Variants in RTN3 observed in about 807,000 individuals in gnomAD.
The protein encoded by RTN3 is reticulon 3.
A neutral mutation model predicts 77.8 loss-of-function variants in RTN3; 49 were observed. That is an observed-to-expected ratio of 0.63 (90% CI 0.50 to 0.80). The LOEUF is 0.80. Ranked by LOEUF, RTN3 falls within the 30% of genes least tolerant of loss-of-function variation. The pLI is 0.00. For synonymous variants in RTN3, 464 were observed against 446.9 expected, an observed-to-expected ratio of 1.04 and a Z score of -0.48; for missense variants, 1,236 against 1,211.9, an observed-to-expected ratio of 1.02 and a Z score of -0.29.
rs373844043 is a variant in RTN3, at chr11:63,758,181, G to A, written c.3079G>A (p.Ala1027Thr). Residue 1027 changes from alanine (A) to threonine (T), a missense_variant, in exon 9 of 9, where the codon GCC becomes ACC. Ala to Thr is a moderately conservative substitution (Grantham distance 58). This residue lies in a region of RTN3 where 141 missense variants were observed against 154.9 expected (regional missense o/e 0.91). Transcript: ENST00000377819. The stretch of plus-strand genomic sequence containing the variant: ...GATCCAAGCAAAACTCCCTGGAATC[G>A]CCAAAAAAAAGGCAGAATAAGTACA... The part of the protein sequence containing the change: ...EKIQAKLPGI[A>T]KKKAE 2.9e-5 allele frequency: 46 copies of A among 1,606,620 alleles called. No homozygotes were observed. The highest frequency in any genetic ancestry group is 3.7e-5 in the Non-Finnish European group (44 of 1,177,620).
chr11:63,752,790 C>A, intron 5 of RTN3, 145 bp downstream of exon 5: 1 of 888,550 alleles, frequency 1.1e-6, no homozygotes, highest in South Asian at 1.6e-5. Flanking sequence ...ATAGGTGTCA[C>A]TAGAGAAAGG....
At chr11:63,684,473 G>A (rs1014083489) in intron 1 of RTN3, among the ~76,000 whole-genome samples, 3 of 151,776 alleles carry the variant, frequency 2.0e-5, no homozygotes, top group Admixed American at 1.3e-4. Context: ...TTATATCTTT[G>A]GTAGAGATGG....
chr11:63,693,790 T>G (rs1359262169), intron 1 of RTN3, among the ~76,000 whole-genome samples: 1 of 152,146 alleles, frequency 6.6e-6, no homozygotes, highest in Non-Finnish European at 1.5e-5. Flanking sequence ...GAAAAACATC[T>G]TTTCATAACC....
chr11:63,717,375 C>CTTTTTT (rs1187530525), intron 2 of RTN3, among the ~76,000 whole-genome samples: 7 of 75,162 alleles, frequency 9.3e-5, no homozygotes, highest in Non-Finnish European at 1.3e-4. Flanking sequence ...TTAACTCTGT[C>CTTTTTT]TTTTTTTTTT....
intron 1 of RTN3, among the ~76,000 whole-genome samples, chr11:63,684,410 A>T (rs1941257605): frequency 1.3e-5 from 2 of 151,252 alleles, no homozygotes; most frequent in South Asian, 4.2e-4. Context: ...GCCTCCCAAA[A>T]TGCTGGGAAT....
chr11:63,719,164 A>G lies in RTN3; in HGVS notation c.662A>G (p.Glu221Gly). 1 of 1,614,196 alleles carries G rather than the reference A, an allele frequency of 6.2e-7. No individual in the cohort carries two copies. ...CCACCTACTGAGTACTCTAAGGTAG[A>G]AGGCATTTATACATATTCTTTGTCT... ...QKPPTEYSKV[E>G]GIYTYSLSPS... The change falls in exon 3 of 9, where the codon GAA (glutamate) becomes GGA (glycine). Residue 221 changes from glutamate to glycine, a missense_variant. Physicochemically the swap from Glu to Gly is moderately conservative, Grantham distance 98. Coordinates refer to ENST00000377819, the MANE Select transcript of RTN3 (RefSeq NM_001265589.2).
At chr11:63,724,623 C>T (rs1302288208) in intron 3 of RTN3, among the ~76,000 whole-genome samples, 1 of 150,900 alleles carries the variant, frequency 6.6e-6, no homozygotes, top group Non-Finnish European at 1.5e-5. Context: ...TCCCAAGTAG[C>T]TGGGATTACA....
At chr11:63,717,494 T>A (rs1321282609) in intron 2 of RTN3, among the ~76,000 whole-genome samples, 2 of 150,082 alleles carry the variant, frequency 1.3e-5, no homozygotes, top group Non-Finnish European at 3.0e-5. Flanking sequence ...TTCAAAGGAT[T>A]CTCCTGCCTC....
chr11:63,752,200 T>C (rs2014143079), intron 4 of RTN3, among the ~76,000 whole-genome samples: 1 of 151,876 alleles, frequency 6.6e-6, no homozygotes, highest in Non-Finnish European at 1.5e-5. Flanking sequence ...CTTGTTTTTA[T>C]GTGTTCTGGG....
At chr11:63,690,288 T>C (rs1213204673) in intron 1 of RTN3, among the ~76,000 whole-genome samples, 1 of 152,198 alleles carries the variant, frequency 6.6e-6, no homozygotes, top group Non-Finnish European at 1.5e-5. Flanking sequence ...ATTTTACGTA[T>C]GAGATAGAAG....
intron 3 of RTN3, among the ~76,000 whole-genome samples, chr11:63,745,630 A>G (rs939202251): frequency 6.6e-6 from 1 of 152,162 alleles, no homozygotes; most frequent in African/African-American, 2.4e-5. Flanking sequence ...CCAGACCATA[A>G]TTCCACCATT....
chr11:63,682,991 T>A (rs879521563), intron 1 of RTN3, among the ~76,000 whole-genome samples: 2 of 152,138 alleles, frequency 1.3e-5, no homozygotes, highest in Non-Finnish European at 2.9e-5. Context: ...AGGATTTTGA[T>A]CATTTTTTTT....
At chr11:63,699,644 A>G (rs890920471) in intron 1 of RTN3, among the ~76,000 whole-genome samples, 4 of 152,212 alleles carry the variant, frequency 2.6e-5, no homozygotes, top group African/African-American at 7.2e-5. Flanking sequence ...ATTTAAAGCC[A>G]TTTGGAATCT....
intron 3 of RTN3, among the ~76,000 whole-genome samples, chr11:63,724,484 CT>C (rs34237318): frequency 0.029 from 2,349 of 81,792 alleles, 28 homozygotes; most frequent in African/African-American, 0.048. Flanking sequence ...GTGCCCGGCC[CT>C]TTTTTTTTTT....
At chr11:63,702,697 T>A (rs548178944) in intron 1 of RTN3, among the ~76,000 whole-genome samples, 1 of 150,952 alleles carries the variant, frequency 6.6e-6, no homozygotes, top group African/African-American at 2.4e-5. Flanking sequence ...TTTTTGTTTT[T>A]TTTTTTGAGA....
chr11:63,732,069 A>G (rs2012731266), intron 3 of RTN3, among the ~76,000 whole-genome samples: 1 of 152,234 alleles, frequency 6.6e-6, no homozygotes, highest in Non-Finnish European at 1.5e-5. Flanking sequence ...GTAGAAAGAA[A>G]AAAAAAGAGC....
Position 63,720,684 on chromosome 11 carries a change from A to AC in RTN3, c.2185dup (p.Gln729ProfsTer9). On this transcript the variant is annotated frameshift_variant, in exon 3 of 9. Transcript: ENST00000377819. LOFTEE classifies it high-confidence loss of function. ...AAGTGAGCCTCTAGGTGTTTTCCCT[A>AC]CCCAAGGTACTCCAGTAGCATCTCT... is the stretch of plus-strand genomic sequence containing the variant. 6.2e-7 allele frequency: 1 copy of AC among 1,614,180 alleles called. No individual in the cohort carries two copies. The highest frequency in any genetic ancestry group is 8.5e-7 in the Non-Finnish European group (1 of 1,180,016).
intron 1 of RTN3, among the ~76,000 whole-genome samples, chr11:63,686,331 G>A (rs1262386376): frequency 2.0e-5 from 3 of 151,972 alleles, no homozygotes; most frequent in East Asian, 1.9e-4. Flanking sequence ...TTAGCCGGGC[G>A]TGGTGGCGGG....
In RTN3 at chr11:63,681,776, C is replaced by A. The variant is rs1302535668; in HGVS notation, c.140C>A (p.Ala47Glu). Reference protein sequence around the residue: ...LGTKSCSSSCADSFVSSSSSQ... With the variant: ...LGTKSCSSSCEDSFVSSSSSQ... ...ACGAAGAGCTGCAGCTCCTCCTGTG[C>A]GGGTAAGGCGCGCGGGGAGCCCCCG... Residue 47 changes from alanine to glutamate, a missense_variant and splice_region_variant, in exon 1 of 9, where the codon GCG becomes GAG. By Grantham distance (107) the Ala-to-Glu change is moderately radical. This residue lies in a region of RTN3 where 1,056 missense variants were observed against 990.4 expected (regional missense o/e 1.07). Coordinates refer to ENST00000377819, the MANE Select transcript of RTN3 (RefSeq NM_001265589.2). 6.3e-7 allele frequency: 1 copy of A among 1,575,900 alleles called. No individual in the cohort carries two copies. The highest frequency in any genetic ancestry group is 1.4e-5 in the African/African-American group (1 of 73,278).
Sources: allele counts gnomAD v4.1 joint callset (sites outside exome capture counted in the v4.1 genomes callset), GRCh38; gene constraint gnomAD v4.1.1; regional missense constraint gnomAD v4.1.1; transcripts MANE v1.5; gene names NCBI Gene and HGNC (gene_info 2026-07-23, HGNC 2026-07-21).